Variants in NOX4 observed in about 807,000 individuals in gnomAD.
NOX4 encodes the protein kidney oxidase-1.
NOX4 carries 69 observed loss-of-function variants against 87.6 expected under a neutral mutation model. The observed-to-expected ratio is 0.79, with a 90% confidence interval of 0.65 to 0.96. NOX4 has a LOEUF of 0.96. NOX4 is among the 40% of genes least tolerant of loss of function. NOX4 has a pLI of 0.00. For missense variants in NOX4, 680 were observed against 681.5 expected (o/e 1.00, Z 0.02); for synonymous variants, 275 against 238.2 (o/e 1.15, Z -1.42).
In NOX4 at chr11:89,400,381, T is replaced by G; in HGVS notation, c.847-2A>C. The stretch of plus-strand genomic sequence containing the variant: ...AGGTCCAGAAATCCAAAGCCAAGTC[T>G]AAGACAAATTTTTGAAAATATACTT... On this transcript the variant is annotated splice_acceptor_variant, in intron 9 of 17. Transcript: ENST00000263317. LOFTEE classifies it high-confidence loss of function. 1 of 1,561,170 alleles carries G rather than the reference T, an allele frequency of 6.4e-7. No individual in the cohort carries two copies. Among genetic ancestry groups the G allele is most frequent in the Non-Finnish European group, 8.7e-7 (1 of 1,155,090 alleles).
intron 2 of NOX4, among the ~76,000 whole-genome samples, chr11:89,467,480 A>G (rs1945756654): frequency 6.6e-6 from 1 of 152,116 alleles, no homozygotes; most frequent in African/African-American, 2.4e-5. Flanking sequence ...CTTATAAACA[A>G]CAAACATTTA....
At chr11:89,419,122 C>A (rs1942951770) in intron 8 of NOX4, among the ~76,000 whole-genome samples, 1 of 152,024 alleles carries the variant, frequency 6.6e-6, no homozygotes, top group Non-Finnish European at 1.5e-5. Flanking sequence ...ATGATCAATG[C>A]TGGATGACTA....
chr11:89,449,410 A>G (rs368641388), intron 4 of NOX4, 30 bp downstream of exon 4: 61 of 1,488,930 alleles, frequency 4.1e-5, no homozygotes, highest in Non-Finnish European at 4.5e-5. Flanking sequence ...TAATTCTAAC[A>G]AATTATTTAA....
chr11:89,518,395 C>T, the NOX4 span, among the ~76,000 whole-genome samples: 2 of 151,472 alleles, frequency 1.3e-5, no homozygotes, highest in Non-Finnish European at 2.9e-5. Flanking sequence ...AAAGATGCTA[C>T]TTGCTTATAA....
chr11:89,555,718 C>T, the NOX4 span, among the ~76,000 whole-genome samples: 1 of 152,038 alleles, frequency 6.6e-6, no homozygotes, highest in Non-Finnish European at 1.5e-5. Flanking sequence ...TTTGAAACTC[C>T]TATAGTAATC....
chr11:89,421,408 G>GT (rs143690618), intron 8 of NOX4, among the ~76,000 whole-genome samples: 3,887 of 151,030 alleles, frequency 0.026, 89 homozygotes, highest in Non-Finnish European at 0.041. Context: ...TTCACTTTAT[G>GT]TTTTTTTTCC....
At chr11:89,376,901 T>A (rs1336077511) in intron 11 of NOX4, among the ~76,000 whole-genome samples, 1 of 150,502 alleles carries the variant, frequency 6.6e-6, no homozygotes, top group African/African-American at 2.4e-5. Flanking sequence ...AAATAAAAAA[T>A]TCAAAAATTA....
At chr11:89,583,422 C>A in the NOX4 span, among the ~76,000 whole-genome samples, 1 of 152,222 alleles carries the variant, frequency 6.6e-6, no homozygotes, top group African/African-American at 2.4e-5. Flanking sequence ...TCTTATAACT[C>A]TTTAAAAGTA....
chr11:89,501,530 A>G (rs1436416859), upstream of NOX4, among the ~76,000 whole-genome samples: 1 of 152,086 alleles, frequency 6.6e-6, no homozygotes, highest in Non-Finnish European at 1.5e-5. Context: ...CATGGAAGTG[A>G]TTGGAAGCAA....
rs572607094 is a variant in NOX4 at position 89,338,086 on chromosome 11, TCACTTCCCCCTCCC to T, written c.1447-585_1447-572del. On this transcript the variant is annotated intron_variant, in intron 15 of 17. Coordinates refer to ENST00000263317, the MANE Select transcript of NOX4 (RefSeq NM_016931.5). ...GAAAAAAATATGGAACAACAACCCC[TCACTTCCCCCTCCC>T]CGAAGGCTTTGGCAACCTGAGAGGA... Among the ~76,000 whole-genome samples the T allele has an allele frequency of 2.6e-3, 402 of 152,072 alleles. 2 individuals are homozygous for T. Among genetic ancestry groups the T allele is most frequent in the African/African-American group, 9.1e-3 (377 of 41,526 alleles).
intron 2 of NOX4, among the ~76,000 whole-genome samples, chr11:89,456,586 G>T (rs1358513370): frequency 6.6e-6 from 1 of 152,168 alleles, no homozygotes; most frequent in Non-Finnish European, 1.5e-5. Flanking sequence ...GTAGGGGGCT[G>T]CTGAGCACTG....
intron 2 of NOX4, among the ~76,000 whole-genome samples, chr11:89,454,639 T>G (rs1478999480): frequency 6.6e-6 from 1 of 152,084 alleles, no homozygotes; most frequent in Non-Finnish European, 1.5e-5. Context: ...AAAAATAGCA[T>G]TTTTATATTA....
the NOX4 span, among the ~76,000 whole-genome samples, chr11:89,585,029 C>T: frequency 3.3e-5 from 5 of 152,038 alleles, no homozygotes; most frequent in African/African-American, 1.2e-4. Flanking sequence ...GGCTTAGGAT[C>T]CCAACCAGGG....
the NOX4 span, among the ~76,000 whole-genome samples, chr11:89,575,424 T>A: frequency 3.3e-5 from 5 of 152,034 alleles, no homozygotes; most frequent in Non-Finnish European, 4.4e-5. Flanking sequence ...GAGTGAAAAA[T>A]CAAAATGGGA....
intron 8 of NOX4, among the ~76,000 whole-genome samples, chr11:89,417,368 G>T (rs1942841945): frequency 6.6e-6 from 1 of 152,070 alleles, no homozygotes; most frequent in Non-Finnish European, 1.5e-5. Flanking sequence ...AAATGGTTTT[G>T]TTTTGTTTTG....
intron 17 of NOX4, among the ~76,000 whole-genome samples, chr11:89,328,550 A>T (rs767470904): frequency 7.9e-5 from 12 of 152,298 alleles, no homozygotes; most frequent in Non-Finnish European, 1.5e-4. Context: ...TATTAAAATA[A>T]ATAAATCAAA....
Position 89,421,936 on chromosome 11 carries a change from C to A in NOX4, c.595G>T (p.Val199Phe). Residue 199 changes from valine (V) to phenylalanine (F), a missense_variant, in exon 8 of 18, where the codon GTC (valine) becomes TTC (phenylalanine). Coordinates refer to ENST00000263317, the MANE Select transcript of NOX4 (RefSeq NM_016931.5). ...TGCAACGTCAGCAGCATGTAGAAGACAAAGAAGAGGTTATGAGTATACCAG... is the reference window on the plus strand; with the variant it reads ...TGCAACGTCAGCAGCATGTAGAAGAAAAAGAAGAGGTTATGAGTATACCAG... ...IFWYTHNLFFVFYMLLTLHVS... is the reference protein window; with the variant it reads ...IFWYTHNLFFFFYMLLTLHVS... The A allele has an allele frequency of 5.7e-6, 9 of 1,572,306 alleles. No homozygotes were observed. Among genetic ancestry groups the A allele is most frequent in the Non-Finnish European group, 7.7e-6 (9 of 1,162,708 alleles).
upstream of NOX4, among the ~76,000 whole-genome samples, chr11:89,502,170 C>A (rs1026992823): frequency 6.6e-6 from 1 of 151,904 alleles, no homozygotes; most frequent in African/African-American, 2.4e-5. Context: ...GCATGGACAC[C>A]TGGGTTGTTA....
intron 7 of NOX4, 39 bp from the exon 8 acceptor site, chr11:89,422,021 A>C (rs757299281): frequency 9.4e-7 from 1 of 1,059,074 alleles, no homozygotes; most frequent in African/African-American, 1.6e-5. Flanking sequence ...GCTACTTTAC[A>C]TTCCATCTTA....
Sources: gnomAD v4.1 joint callset for allele counts (sites outside exome capture counted in the v4.1 genomes callset) on GRCh38, gnomAD v4.1.1 for gene constraint, MANE v1.5 for transcripts, NCBI Gene and HGNC (gene_info 2026-07-23, HGNC 2026-07-21) for gene names.